Variants in ZNF83 observed in about 807,000 individuals in gnomAD.
The protein encoded by ZNF83 is zinc finger protein 816B.
For synonymous variants in ZNF83, 209 were observed against 213.0 expected (o/e 0.98, Z 0.17); for missense variants, 552 against 629.9 (o/e 0.88, Z 1.32).
chr19:52,685,714 T>A (rs1296975590), intron 1 of ZNF83, among the ~76,000 whole-genome samples: 1 of 151,914 alleles, frequency 6.6e-6, no homozygotes, highest in Non-Finnish European at 1.5e-5. Context: ...CTGGCAAACA[T>A]GGTGAAACCT....
At chr19:52,614,270 C>T (rs779696119) in exon 3 of ZNF83, 1 of 1,614,046 alleles carries the variant, frequency 6.2e-7, no homozygotes, top group Admixed American at 1.7e-5. Context: ...AAGGCCTTGC[C>T]ACGCTCACTA....
intron 1 of ZNF83, among the ~76,000 whole-genome samples, chr19:52,665,897 AC>A (rs1437212011): frequency 6.6e-6 from 1 of 152,018 alleles, no homozygotes; most frequent in Non-Finnish European, 1.5e-5. Context: ...GCGGTGGCTC[AC>A]ACCTGTAATC....
Position 52,669,081 on chromosome 19 carries a change from A to T in ZNF83, c.-282-8238T>A, listed in dbSNP as rs138842482. The stretch of plus-strand genomic sequence containing the variant: ...TTTACCAATCAGCCACTCTTTATTC[A>T]TCCCTGAGCAGATGCATAGTGGTAT... On this transcript the variant is annotated intron_variant, in intron 1 of 5. Coordinates refer to the ZNF83 transcript ENST00000594682. Among the ~76,000 whole-genome samples, 421 of 152,290 alleles carry T rather than the reference A, an allele frequency of 2.8e-3. 3 individuals are homozygous for T. Among genetic ancestry groups the T allele is most frequent in the Non-Finnish European group, 4.0e-3 (270 of 68,034 alleles).
chr19:52,623,630 C>T (rs2147112993), intron 2 of ZNF83, among the ~76,000 whole-genome samples: 1 of 152,180 alleles, frequency 6.6e-6, no homozygotes, highest in African/African-American at 2.4e-5. Flanking sequence ...TATCCCCCCA[C>T]CTTAACCCAC....
intron 1 of ZNF83, among the ~76,000 whole-genome samples, chr19:52,675,719 G>A (rs2061791440): frequency 6.6e-6 from 1 of 152,208 alleles, no homozygotes; most frequent in East Asian, 1.9e-4. Context: ...GGCAAGGGTG[G>A]AGGGCAGAAG....
chr19:52,657,762 G>A (rs868319409), intron 2 of ZNF83, among the ~76,000 whole-genome samples: 5 of 151,726 alleles, frequency 3.3e-5, no homozygotes, highest in East Asian at 1.9e-4. Flanking sequence ...CAGGAGAATC[G>A]CTTGAACCTG....
chr19:52,661,082 C>T (rs536448801), intron 1 of ZNF83, among the ~76,000 whole-genome samples: 1 of 152,116 alleles, frequency 6.6e-6, no homozygotes, highest in South Asian at 2.1e-4. Flanking sequence ...CCAGGAGAGT[C>T]TCAATCTCCT....
At position 52,619,154 on chromosome 19, in the gene ZNF83, T is replaced by G. The variant is rs144438142; in HGVS notation, c.-233-4357A>C. 224 of 1,610,604 alleles carry G rather than the reference T, an allele frequency of 1.4e-4. 2 individuals carry two copies. The East Asian group carries it at 2.8e-3, about 20-fold the overall frequency. On this transcript the variant is annotated intron_variant, in intron 2 of 2. Transcript: ENST00000301096. Reference sequence around the variant, plus strand: ...AGAGCGGTGACAACAAGGATTTAATTGTAGTGAATGTTCTGACAAATCTGA... The same window carrying G: ...AGAGCGGTGACAACAAGGATTTAATGGTAGTGAATGTTCTGACAAATCTGA...
At chr19:52,663,588 T>C (rs2061607315) in intron 1 of ZNF83, among the ~76,000 whole-genome samples, 1 of 152,208 alleles carries the variant, frequency 6.6e-6, no homozygotes, top group African/African-American at 2.4e-5. Flanking sequence ...TTGATGTTAG[T>C]GTAAAGAAAA....
At chr19:52,681,880 C>T (rs931450022) in intron 1 of ZNF83, among the ~76,000 whole-genome samples, 1 of 152,166 alleles carries the variant, frequency 6.6e-6, no homozygotes, top group Non-Finnish European at 1.5e-5. Flanking sequence ...CAGAGTCTCA[C>T]TCTGTCAACC....
At chr19:52,679,637 T>C (rs1001360694) in intron 1 of ZNF83, among the ~76,000 whole-genome samples, 30 of 152,122 alleles carry the variant, frequency 2.0e-4, no homozygotes, top group African/African-American at 6.5e-4. Context: ...AAAGAAAGCA[T>C]GACAGCTGGA....
At chr19:52,657,352 T>C (rs2061519727) in intron 2 of ZNF83, among the ~76,000 whole-genome samples, 1 of 151,780 alleles carries the variant, frequency 6.6e-6, no homozygotes, top group African/African-American at 2.4e-5. Context: ...GTGAGGTAGC[T>C]CATATCAGGA....
chr19:52,685,897 CAAAAAAAAAAA>C (rs3055370), intron 1 of ZNF83, among the ~76,000 whole-genome samples: 17 of 132,550 alleles, frequency 1.3e-4, no homozygotes, highest in East Asian at 2.4e-4. Context: ...GTAACTGTCA[CAAAAAAAAAAA>C]AAAAAAAAAA....
intron 3 of ZNF83, chr19:52,652,763 T>C (rs1050379134): frequency 1.2e-6 from 1 of 811,126 alleles, no homozygotes; most frequent in Non-Finnish European, 2.0e-6. Context: ...TGATGATGAA[T>C]AAGTGATGAC....
rs368484757 is a variant in ZNF83, at chr19:52,613,889, T to C, written c.676A>G (p.Ile226Val). The stretch of plus-strand genomic sequence containing the variant: ...TCGTAAGGTTTTTCTCCAGTATGAA[T>C]TGTCCGATGTTGTGCAAGGTGTGAA... The change falls in exon 3 of 3, where the codon ATT (isoleucine) becomes GTT (valine). Residue 226 changes from isoleucine (I) to valine (V), a missense_variant. Ile to Val is a conservative substitution (Grantham distance 29, BLOSUM62 3). Transcript: ENST00000301096. The C allele has an allele frequency of 1.9e-6, 3 of 1,614,112 alleles. No individual in the cohort carries two copies. The South Asian group carries it at 3.3e-5, about 18-fold the overall frequency.
At chr19:52,642,790 G>T (rs1394911511), upstream of ZNF83, among the ~76,000 whole-genome samples, 1 of 152,154 alleles carries the variant, frequency 6.6e-6, no homozygotes, top group Non-Finnish European at 1.5e-5. Context: ...GGAAGATGAG[G>T]TGGGAGGATT....
intron 1 of ZNF83, chr19:52,636,185 C>T (rs1222198576): frequency 2.0e-5 from 3 of 151,522 alleles, no homozygotes; most frequent in South Asian, 2.1e-4. Flanking sequence ...CTTGGTGGCT[C>T]ATCACTGTGG....
chr19:52,665,752 G>C (rs1479327971), intron 1 of ZNF83, among the ~76,000 whole-genome samples: 1 of 152,136 alleles, frequency 6.6e-6, no homozygotes, highest in Non-Finnish European at 1.5e-5. Context: ...TAGCCGATAG[G>C]GGAATGACAC....
At chr19:52,650,091 G>A (rs536688378) in intron 3 of ZNF83, among the ~76,000 whole-genome samples, 89 of 152,058 alleles carry the variant, frequency 5.9e-4, no homozygotes, top group African/African-American at 2.0e-3. Context: ...GGAAAATTAG[G>A]TCATTTCAAA....
Sources: allele counts gnomAD v4.1 joint callset (sites outside exome capture counted in the v4.1 genomes callset), GRCh38; gene constraint gnomAD v4.1.1; transcripts MANE v1.5; gene names NCBI Gene and HGNC (gene_info 2026-07-23, HGNC 2026-07-21).